The following KIAA1958 variants were observed in gnomAD, a reference collection of about 807,000 sequenced individuals.
The protein encoded by KIAA1958 is uncharacterized protein KIAA1958.
In KIAA1958, 14 loss-of-function variants were observed where a neutral mutation model predicts 47.2. That is an observed-to-expected ratio of 0.30 (90% CI 0.20 to 0.46). The LOEUF (loss-of-function observed/expected upper bound fraction) is 0.46, where lower values mean the gene tolerates loss of function less well. Ranked by LOEUF, KIAA1958 falls within the 20% of genes least tolerant of loss-of-function variation. The pLI, the probability that KIAA1958 is intolerant of heterozygous loss-of-function variation, is 1.00. For missense variants in KIAA1958, 803 were observed against 909.2 expected (o/e 0.88, Z 1.50); for synonymous variants, 354 against 353.3 (o/e 1.00, Z -0.02).
rs931411005 is a variant in KIAA1958, at chr9:112,597,415, C to T, written c.1171+22164C>T. Among the ~76,000 whole-genome samples, 4 of 152,292 alleles carry T rather than the reference C, an allele frequency of 2.6e-5. No individual in the cohort carries two copies. The East Asian group carries it at 5.8e-4, about 22-fold the overall frequency. ...ACTGGAGGTCACACAGTAAGAAGCA[C>T]GGAAAGCTGGAATTTTGATCCAGGT... is the stretch of plus-strand genomic sequence containing the variant. On this transcript the variant is annotated intron_variant, in intron 2 of 3. Transcript: ENST00000337530.
At position 112,618,261 on chromosome 9, in the gene KIAA1958, C is replaced by T. The variant is rs1836439913; in HGVS notation, c.1172-27389C>T. 1 of 1,550,720 alleles carries T rather than the reference C, an allele frequency of 6.4e-7. No homozygotes were observed. The highest frequency in any genetic ancestry group is 8.7e-7 in the Non-Finnish European group (1 of 1,147,046). On this transcript the variant is annotated intron_variant, in intron 2 of 3. Coordinates refer to ENST00000337530, the MANE Select transcript of KIAA1958 (RefSeq NM_133465.4). This position sits in a 1 kb window ranked among gnomAD's most constrained non-coding sequence, Gnocchi z 7.1. ...AAGCCACACAAGTCCATGAAGCTCA[C>T]CTTTGCTGACGAGCTCATCCTGCGG...
chr9:112,650,102 T>C (rs930917107), intron 3 of KIAA1958, among the ~76,000 whole-genome samples: 10 of 151,500 alleles, frequency 6.6e-5, no homozygotes, highest in African/African-American at 1.9e-4. Flanking sequence ...CAGGAGACAA[T>C]AGAATAACAT....
intron 3 of KIAA1958, among the ~76,000 whole-genome samples, chr9:112,649,515 C>A (rs572912868): frequency 1.3e-5 from 2 of 151,790 alleles, no homozygotes; most frequent in Non-Finnish European, 2.9e-5. Context: ...TTTCAAGGAG[C>A]CTAATGTACA....
rs986725716 is a variant in KIAA1958 at position 112,554,163 on chromosome 9, C to T, written c.-24-19894C>T. Among the ~76,000 whole-genome samples, 11 of 151,908 alleles carry T rather than the reference C, an allele frequency of 7.2e-5. 1 individual carries two copies. Among genetic ancestry groups the T allele is most frequent in the Admixed American group, 4.6e-4 (7 of 15,246 alleles). ...AATGACATAGAGGTATGTAAAAAAC[C>T]GTGAATATAAAAAGATGTTCATGAA... On this transcript the variant is annotated intron_variant, in intron 1 of 3. Transcript: ENST00000337530.
At chr9:112,505,019 G>T (rs997029073) in intron 1 of KIAA1958, among the ~76,000 whole-genome samples, 1 of 152,004 alleles carries the variant, frequency 6.6e-6, no homozygotes, top group African/African-American at 2.4e-5. Context: ...CTTTAAATCG[G>T]TTATCTTCAT....
At chr9:112,616,957 C>T (rs1310178551) in intron 2 of KIAA1958, among the ~76,000 whole-genome samples, 2 of 152,206 alleles carry the variant, frequency 1.3e-5, no homozygotes, top group Non-Finnish European at 2.9e-5. Context: ...ATTCCTACAC[C>T]TGCTACGTGG....
chr9:112,516,251 C>T (rs1049240870), intron 1 of KIAA1958, among the ~76,000 whole-genome samples: 1 of 148,426 alleles, frequency 6.7e-6, no homozygotes, highest in Non-Finnish European at 1.5e-5. Flanking sequence ...GGAGACAAGC[C>T]TGGGCAACAC....
rs565552224 is a variant in KIAA1958 at position 112,537,699 on chromosome 9, G to A, written c.-24-36358G>A. Among the ~76,000 whole-genome samples, 9 of 152,304 alleles carry A rather than the reference G, an allele frequency of 5.9e-5. No individual in the cohort carries two copies. The South Asian group carries it at 1.9e-3, about 32-fold the overall frequency. ...GTGCTCTTACATGCTGGTGGAAATA[G>A]GAATTAGTGTGATAACCACTTAGGA... On this transcript the variant is annotated intron_variant, in intron 1 of 3. Transcript: ENST00000337530.
chr9:112,507,938 G>A (rs984612199), intron 1 of KIAA1958, among the ~76,000 whole-genome samples: 1 of 151,914 alleles, frequency 6.6e-6, no homozygotes, highest in African/African-American at 2.4e-5. Context: ...AGCCTTATGT[G>A]GTAATTCTAA....
Position 112,667,236 on chromosome 9 carries a change from C to G in KIAA1958, c.*7167C>G, listed in dbSNP as rs16917191. 1,292 of 152,076 alleles carry G rather than the reference C, an allele frequency of 8.5e-3. 23 individuals are homozygous for G. Among genetic ancestry groups the G allele is most frequent in the South Asian group, 0.067 (324 of 4,822 alleles). The allele number at this position is 152,076 out of a possible 1,614,324, so 9.4% of individuals were successfully genotyped here. Reference sequence around the variant, plus strand: ...ATGAACAGGGTCTGGGAAGAAAGGACCACGTTTAAGGATGAGTATAGAGAA... The same window carrying G: ...ATGAACAGGGTCTGGGAAGAAAGGAGCACGTTTAAGGATGAGTATAGAGAA... On this transcript the variant is annotated 3_prime_UTR_variant, in exon 4 of 4. Coordinates refer to ENST00000337530, the MANE Select transcript of KIAA1958 (RefSeq NM_133465.4).
chr9:112,617,733 ACATTTAT>A, intron 2 of KIAA1958: 1 of 684,080 alleles, frequency 1.5e-6, no homozygotes, highest in Non-Finnish European at 2.5e-6. Context: ...TATGTAAATA[ACATTTAT>A]CAGTGATCTC....
At chr9:112,560,114 G>C (rs908244059) in intron 1 of KIAA1958, among the ~76,000 whole-genome samples, 8 of 151,284 alleles carry the variant, frequency 5.3e-5, no homozygotes, top group Non-Finnish European at 1.0e-4. Flanking sequence ...GCCTAGGCTG[G>C]TCTTGAACTC....
intron 1 of KIAA1958, among the ~76,000 whole-genome samples, chr9:112,525,934 T>C (rs866231698): frequency 1.9e-4 from 1 of 5,374 alleles, no homozygotes; most frequent in East Asian, 7.2e-3. Context: ...CTTCTTCTTC[T>C]TCTTCTTCTT....
chr9:112,530,789 G>C (rs1022711818), intron 1 of KIAA1958, among the ~76,000 whole-genome samples: 2 of 152,186 alleles, frequency 1.3e-5, no homozygotes, highest in Non-Finnish European at 2.9e-5. Flanking sequence ...TATATTCTGA[G>C]TGGTAAGATT....
Position 112,574,266 on chromosome 9 carries a change from T to C in KIAA1958, c.186T>C (p.Ala62=). 1 of 1,614,150 alleles carries C rather than the reference T, an allele frequency of 6.2e-7. No individual in the cohort carries two copies. Among genetic ancestry groups the C allele is most frequent in the Non-Finnish European group, 8.5e-7 (1 of 1,179,988 alleles). ...ATGCTTATCACTGGCCACTAACAGC[T>C]ACTTGCAGAGCTGGGTCCCAAGAGA... The part of the protein sequence containing the change: ...AGHAYHWPLT[A]TCRAGSQERV... Residue 62 remains alanine (A), a synonymous_variant, in exon 2 of 4, where the codon GCT becomes GCC. Transcript: ENST00000337530.
intron 2 of KIAA1958, among the ~76,000 whole-genome samples, chr9:112,576,472 C>A (rs369939864): frequency 6.6e-6 from 1 of 152,030 alleles, no homozygotes; most frequent in Non-Finnish European, 1.5e-5. Flanking sequence ...ATATTTTCAT[C>A]ACCCCAAAAA....
At chr9:112,488,850 A>G (rs1249216057) in intron 1 of KIAA1958, among the ~76,000 whole-genome samples, 2 of 152,160 alleles carry the variant, frequency 1.3e-5, no homozygotes, top group Non-Finnish European at 2.9e-5. Flanking sequence ...TAGGAGAAAA[A>G]TTTATCTAGA....
rs150926470 is a variant in KIAA1958 at position 112,519,533 on chromosome 9, G to A, written c.-25+32415G>A. On this transcript the variant is annotated intron_variant, in intron 1 of 3. Transcript: ENST00000337530. Reference sequence around the variant, plus strand: ...GTGACTTTCAGGCTTTTAGGAATTCGTTGTTTTGAATTATCCTTGTGTCTC... The same window carrying A: ...GTGACTTTCAGGCTTTTAGGAATTCATTGTTTTGAATTATCCTTGTGTCTC... Among the ~76,000 whole-genome samples, 428 of 152,258 alleles carry A rather than the reference G, an allele frequency of 2.8e-3. 2 individuals carry two copies. The highest frequency in any genetic ancestry group is 9.6e-3 in the African/African-American group (401 of 41,558).
chr9:112,560,323 C>T lies in KIAA1958; in HGVS notation c.-24-13734C>T, dbSNP rs77731769. On this transcript the variant is annotated intron_variant, in intron 1 of 3. Coordinates refer to ENST00000337530, the MANE Select transcript of KIAA1958 (RefSeq NM_133465.4). ...ATAAGCAGTCGTCCTCCCTCAGCCT[C>T]TCGAGTAGCTAGGACTACAGGTTCA... Among the ~76,000 whole-genome samples, 846 of 151,524 alleles carry T rather than the reference C, an allele frequency of 5.6e-3. 41 individuals are homozygous for T. The East Asian group carries it at 0.083, about 15-fold the overall frequency.
Sources: allele counts gnomAD v4.1 joint callset (sites outside exome capture counted in the v4.1 genomes callset), GRCh38; gene constraint gnomAD v4.1.1; non-coding constraint Gnocchi (gnomAD v3.1); transcripts MANE v1.5; gene names NCBI Gene and HGNC (gene_info 2026-07-23, HGNC 2026-07-21).